Variants in TRPC4 observed in about 807,000 individuals in gnomAD.
TRPC4 encodes short transient receptor potential channel 4.
In TRPC4, 49 loss-of-function variants were observed where a neutral mutation model predicts 99.4. That is an observed-to-expected ratio of 0.49 (90% confidence interval 0.39 to 0.63). TRPC4 has a LOEUF of 0.63. TRPC4 is among the 20% of genes least tolerant of loss of function. TRPC4 has a pLI of 0.00. For synonymous variants in TRPC4, 454 were observed against 425.9 expected, an observed-to-expected ratio of 1.07 and a Z score of -0.81; for missense variants, 898 against 1,152.9, an observed-to-expected ratio of 0.78 and a Z score of 3.20.
intron 1 of TRPC4, among the ~76,000 whole-genome samples, chr13:37,828,957 G>A (rs1030815560): frequency 1.3e-5 from 2 of 152,036 alleles, no homozygotes; most frequent in African/African-American, 4.8e-5. Context: ...ATGTACCCCT[G>A]AAACTAAAAT....
In TRPC4 at chr13:37,738,363, A is replaced by G. The variant is rs1955467974; in HGVS notation, c.897+7574T>C. 3.9e-5 allele frequency among the ~76,000 whole-genome samples: 6 copies of G among 152,320 alleles called. No individual in the cohort carries two copies. In the South Asian group the frequency reaches 1.2e-3, roughly 32 times the overall value. ...AAAGTGCTATGTTTAAAAGCTGTCC[A>G]GGCGAGTTTGATAATCAGATACATT... On this transcript the variant is annotated intron_variant, in intron 3 of 10. Transcript: ENST00000379705.
chr13:37,653,868 C>T (rs192520680), intron 7 of TRPC4, among the ~76,000 whole-genome samples: 24 of 152,140 alleles, frequency 1.6e-4, no homozygotes, highest in Non-Finnish European at 3.1e-4. Flanking sequence ...GAAAACAGAA[C>T]GCACATTTTG....
chr13:37,651,540 G>A (rs895603611), intron 7 of TRPC4, 81 bp from the exon 8 acceptor site: 11 of 1,258,036 alleles, frequency 8.7e-6, no homozygotes, highest in Non-Finnish European at 1.3e-5. Context: ...CCTGTAACCT[G>A]ACTTCAAGCG....
intron 2 of TRPC4, among the ~76,000 whole-genome samples, chr13:37,767,432 A>G (rs1332820439): frequency 6.6e-6 from 1 of 151,324 alleles, no homozygotes; most frequent in Non-Finnish European, 1.5e-5. Context: ...TTTAGCAAAT[A>G]CAGACTTGTA....
intron 2 of TRPC4, among the ~76,000 whole-genome samples, chr13:37,778,130 AT>A (rs1956755155): frequency 6.6e-6 from 1 of 152,086 alleles, no homozygotes; most frequent in African/African-American, 2.4e-5. Flanking sequence ...CTGAATTCAA[AT>A]AAGTAATTAA....
intron 1 of TRPC4, among the ~76,000 whole-genome samples, chr13:37,834,732 A>T (rs1958514687): frequency 6.6e-6 from 1 of 151,938 alleles, no homozygotes; most frequent in African/African-American, 2.4e-5. Flanking sequence ...TTATTTATTT[A>T]TTACATTTTT....
intron 1 of TRPC4, among the ~76,000 whole-genome samples, chr13:37,844,217 TA>T (rs1332073001): frequency 6.6e-6 from 1 of 152,170 alleles, no homozygotes; most frequent in African/African-American, 2.4e-5. Flanking sequence ...TTTGGGCTGA[TA>T]ATGGTGTCAA....
At chr13:37,812,197 C>CAAAAAAAAAAAAAAAAAAAAAAAAAAAA (rs1156963631) in intron 1 of TRPC4, among the ~76,000 whole-genome samples, 177 of 111,104 alleles carry the variant, frequency 1.6e-3, no homozygotes, top group Non-Finnish European at 2.0e-3. Context: ...AAAAAAAAAC[C>CAAAAAAAAAAAAAAAAAAAAAAAAAAAA]AGGAGATCTA....
intron 2 of TRPC4, among the ~76,000 whole-genome samples, chr13:37,777,011 T>C (rs1294362494): frequency 6.6e-6 from 1 of 152,010 alleles, no homozygotes; most frequent in Non-Finnish European, 1.5e-5. Flanking sequence ...TGTTTGATTT[T>C]CTGATCACAT....
chr13:37,825,501 T>A (rs1246987192), intron 1 of TRPC4, among the ~76,000 whole-genome samples: 1 of 152,044 alleles, frequency 6.6e-6, no homozygotes, highest in African/African-American at 2.4e-5. Context: ...TCAAAGAACA[T>A]CTTTATTTCT....
intron 1 of TRPC4, among the ~76,000 whole-genome samples, chr13:37,835,411 A>G (rs1250879014): frequency 5.3e-5 from 8 of 152,110 alleles, no homozygotes; most frequent in Admixed American, 5.2e-4. Flanking sequence ...CTTTACCTGC[A>G]CTCTTGTCCA....
At chr13:37,766,476 A>G (rs1294996336) in intron 2 of TRPC4, among the ~76,000 whole-genome samples, 2 of 151,482 alleles carry the variant, frequency 1.3e-5, no homozygotes, top group Non-Finnish European at 3.0e-5. Flanking sequence ...AAATAATCAA[A>G]AACTTCCTAT....
At chr13:37,827,591 A>G (rs1958272834) in intron 1 of TRPC4, among the ~76,000 whole-genome samples, 1 of 152,142 alleles carries the variant, frequency 6.6e-6, no homozygotes, top group Non-Finnish European at 1.5e-5. Context: ...CTCGGGGGTC[A>G]GGGGTCAGGG....
chr13:37,816,610 G>A (rs1438372862), intron 1 of TRPC4, among the ~76,000 whole-genome samples: 1 of 151,834 alleles, frequency 6.6e-6, no homozygotes, highest in Non-Finnish European at 1.5e-5. Context: ...GAAGAACATT[G>A]ATGCAAAAAT....
chr13:37,650,863 C>A (rs11147663), intron 8 of TRPC4, among the ~76,000 whole-genome samples: 20,786 of 152,112 alleles, frequency 0.14, 1,872 homozygotes, highest in Middle Eastern at 0.24. Flanking sequence ...AAGCACGTGC[C>A]CTTCCCTCAT....
At chr13:37,706,020 T>C (rs1289468904) in intron 3 of TRPC4, among the ~76,000 whole-genome samples, 8 of 152,168 alleles carry the variant, frequency 5.3e-5, no homozygotes, top group Admixed American at 5.2e-4. Context: ...TTGTTCTAAG[T>C]ACTGTTTTTG....
intron 4 of TRPC4, among the ~76,000 whole-genome samples, chr13:37,678,408 A>G (rs9548013): frequency 0.14 from 20,791 of 152,050 alleles, 1,638 homozygotes; most frequent in Middle Eastern, 0.24. Context: ...AATAATCAAT[A>G]TCAGAAATTA....
At chr13:37,841,067 G>A (rs1958718205) in intron 1 of TRPC4, among the ~76,000 whole-genome samples, 2 of 151,920 alleles carry the variant, frequency 1.3e-5, no homozygotes, top group African/African-American at 4.8e-5. Context: ...CAATACTTTT[G>A]TAATAATATA....
At position 37,844,769 on chromosome 13, in the gene TRPC4, C is replaced by T. The variant is rs191381555; in HGVS notation, c.-28+24826G>A. ...ATGTAAACCAGTAACTCCACAAAAC[C>T]GTGATACTCTTCTTCAGCTCACATT... On this transcript the variant is annotated intron_variant, in intron 1 of 10. Coordinates refer to ENST00000379705, the MANE Select transcript of TRPC4 (RefSeq NM_016179.4). Among the ~76,000 whole-genome samples, 8 of 152,254 alleles carry T rather than the reference C, an allele frequency of 5.3e-5. No individual in the cohort carries two copies. The East Asian group carries it at 9.7e-4, about 18-fold the overall frequency.
Sources: allele counts gnomAD v4.1 joint callset (sites outside exome capture counted in the v4.1 genomes callset), GRCh38; gene constraint gnomAD v4.1.1; transcripts MANE v1.5; gene names NCBI Gene and HGNC (gene_info 2026-07-23, HGNC 2026-07-21).